SLIT1: variants seen among roughly 807,000 people sequenced by gnomAD.
SLIT1 encodes the protein slit homolog 1 protein.
In SLIT1, 66 loss-of-function variants were observed where a neutral mutation model predicts 186.1. That is an observed-to-expected ratio of 0.35 (90% confidence interval 0.29 to 0.44). The LOEUF (loss-of-function observed/expected upper bound fraction) is 0.44. SLIT1 is among the 20% of genes least tolerant of loss of function. The pLI is 1.00. For synonymous variants in SLIT1, 761 were observed against 833.8 expected (o/e 0.91, Z 1.50); for missense variants, 1,638 against 2,037.4 (o/e 0.80, Z 3.77).
chr10:97,046,856 T>A, intron 17 of SLIT1, 59 bp from the exon 18 acceptor site: 1 of 1,593,896 alleles, frequency 6.3e-7, no homozygotes, highest in Non-Finnish European at 8.5e-7. Context: ...CTCAGGCCCC[T>A]CCCTTCCTGC....
Position 97,019,007 on chromosome 10 carries a change from C to T in SLIT1, c.2847G>A (p.Arg949=), listed in dbSNP as rs758673701. Residue 949 remains arginine (R), a synonymous_variant, in exon 27 of 37, where the codon AGG becomes AGA. Coordinates refer to ENST00000266058, the MANE Select transcript of SLIT1 (RefSeq NM_003061.3). The stretch of plus-strand genomic sequence containing the variant: ...CCTTATAGCCGCTGGGGCAGGCGCA[C>T]CTGTACACCTCAAGGGGGTCGTTGT... ...TCHNDPLEVY[R]CACPSGYKGR... is the part of the protein sequence containing the mutation. The T allele has an allele frequency of 1.9e-6, 3 of 1,613,322 alleles. No homozygotes were observed. In the South Asian group the frequency reaches 3.3e-5, roughly 18 times the overall value.
In SLIT1 at chr10:97,013,752, C is replaced by T. The variant is rs1390244299; in HGVS notation, c.3192G>A (p.Pro1064=). The stretch of plus-strand genomic sequence containing the variant: ...GGGGCAACACTCACCTGGGCCCATC[C>T]GGGGTGCCCACACACTGGGCCTCGT... ...CQHEAQCVGT[P]DGPRCECMPG... Residue 1064 remains proline (P), a synonymous_variant, in exon 30 of 37, where the codon CCG becomes CCA. Transcript: ENST00000266058. 2.1e-5 allele frequency: 33 copies of T among 1,551,146 alleles called. No homozygotes were observed. Among genetic ancestry groups the T allele is most frequent in the Non-Finnish European group, 2.5e-5 (29 of 1,146,684 alleles).
At chr10:97,145,426 C>A (rs1051027851) in intron 4 of SLIT1, among the ~76,000 whole-genome samples, 13 of 152,128 alleles carry the variant, frequency 8.5e-5, no homozygotes, top group African/African-American at 3.1e-4. Flanking sequence ...TATTTTCATG[C>A]TGTCCATTTT....
In SLIT1 at chr10:97,059,448, A is replaced by G; in HGVS notation, c.1085+12T>C. On this transcript the variant is annotated intron_variant, in intron 11 of 36. Transcript: ENST00000266058. ...CCTGGGCCACTGAGGAAGCCTTGGC[A>G]CTGCTACTCACAGCGAGTTCAGGGA... The G allele has an allele frequency of 6.2e-7, 1 of 1,611,900 alleles. No individual in the cohort carries two copies. The highest frequency in any genetic ancestry group is 8.5e-7 in the Non-Finnish European group (1 of 1,178,670).
At chr10:97,104,364 T>C (rs1359676668) in intron 4 of SLIT1, among the ~76,000 whole-genome samples, 5 of 152,096 alleles carry the variant, frequency 3.3e-5, no homozygotes, top group African/African-American at 1.2e-4. Flanking sequence ...TGGATATCAC[T>C]GTGATGAAGC....
chr10:97,001,137 T>G lies in SLIT1; in HGVS notation c.4580A>C (p.Lys1527Thr). 24 of 1,613,078 alleles carry G rather than the reference T, an allele frequency of 1.5e-5. No homozygotes were observed. The highest frequency in any genetic ancestry group is 2.0e-5 in the Non-Finnish European group (24 of 1,179,804). The change falls in exon 37 of 37, where the codon AAG becomes ACG. Residue 1527 changes from lysine to threonine, a missense_variant. Transcript: ENST00000266058. ...CTATGCGCAGAGGGCACAGCCACAC[T>G]TGGTGGGCTTTTCCACCTCCTCGGC... ...SFAEEVEKPTKCGCALCA is the reference protein window; with the variant it reads ...SFAEEVEKPTTCGCALCA
chr10:97,140,604 G>A (rs937984097), intron 4 of SLIT1, among the ~76,000 whole-genome samples: 11 of 152,110 alleles, frequency 7.2e-5, no homozygotes, highest in South Asian at 6.2e-4. Context: ...GCGATCGGCC[G>A]ACAGAAGGGC....
At position 97,185,253 on chromosome 10, in the gene SLIT1, G is replaced by C. The variant is rs569764824; in HGVS notation, c.197+225C>G. Among the ~76,000 whole-genome samples the C allele has an allele frequency of 8.5e-5, 13 of 152,346 alleles. No homozygotes were observed. In the South Asian group the frequency reaches 1.7e-3, roughly 19 times the overall value. ...GGGTGCAGGGTGCAGGTGTGAGGAC[G>C]GAAGCTGACAACCCCGCCGAGGGCC... is the stretch of plus-strand genomic sequence containing the variant. On this transcript the variant is annotated intron_variant, in intron 1 of 36. Coordinates refer to ENST00000266058, the MANE Select transcript of SLIT1 (RefSeq NM_003061.3).
At chr10:97,096,679 C>T (rs940304665) in intron 4 of SLIT1, among the ~76,000 whole-genome samples, 3 of 152,036 alleles carry the variant, frequency 2.0e-5, no homozygotes, top group Admixed American at 6.5e-5. Context: ...CGCCCCAGCT[C>T]GACCCCGAGA....
intron 4 of SLIT1, among the ~76,000 whole-genome samples, chr10:97,073,481 G>A (rs1386236925): frequency 1.3e-5 from 2 of 152,218 alleles, no homozygotes; most frequent in African/African-American, 4.8e-5. Flanking sequence ...CCAGCCCGGG[G>A]AAGCGGAGCC....
rs746066173 is a variant in SLIT1, at chr10:97,060,797, CAG to C, written c.794-12_794-11del. ...CCCGCTTCTCCCTGGCCTGCAGAAA[CAG>C]GGGGGTGTGGCCTCAGGCTGTCATG... On this transcript the variant is annotated splice_polypyrimidine_tract_variant and intron_variant, in intron 8 of 36. Transcript: ENST00000266058. The C allele has an allele frequency of 1.9e-5, 30 of 1,582,486 alleles. No individual in the cohort carries two copies. The highest frequency in any genetic ancestry group is 9.4e-5 in the African/African-American group (7 of 74,664).
At chr10:97,163,892 C>T (rs906736666) in intron 2 of SLIT1, among the ~76,000 whole-genome samples, 1 of 152,210 alleles carries the variant, frequency 6.6e-6, no homozygotes, top group Non-Finnish European at 1.5e-5. Flanking sequence ...AGGGACAGAA[C>T]GGGGGGACCG....
chr10:97,124,074 C>T lies in SLIT1; in HGVS notation c.413+33744G>A, dbSNP rs373834877. On this transcript the variant is annotated intron_variant, in intron 4 of 36. Coordinates refer to ENST00000266058, the MANE Select transcript of SLIT1 (RefSeq NM_003061.3). ...AAACCCACTTAACAGCATTATGCAG[C>T]GGAAGCCTCGGGGGTGAGACCACAC... is the stretch of plus-strand genomic sequence containing the variant. Among the ~76,000 whole-genome samples, 9 of 152,270 alleles carry T rather than the reference C, an allele frequency of 5.9e-5. No individual in the cohort carries two copies. The East Asian group carries it at 9.6e-4, about 16-fold the overall frequency.
rs761078698 is a variant in SLIT1 at position 97,185,599 on chromosome 10, C to T, written c.76G>A (p.Ala26Thr). The change falls in exon 1 of 37, where the codon GCG (alanine) becomes ACG (threonine). Residue 26 changes from alanine to threonine, a missense_variant. This residue lies in a region of SLIT1 where 1,245 missense variants were observed against 1,535.3 expected (regional missense o/e 0.81). Transcript: ENST00000266058. ...PELWLLLWAA[A>T]WRLGASACPA... Reference sequence around the variant, plus strand: ...CACGCCGAGGCACCCAGGCGCCACGCGGCTGCCCACAGCAGCAGCCAGAGC... The same window carrying T: ...CACGCCGAGGCACCCAGGCGCCACGTGGCTGCCCACAGCAGCAGCCAGAGC... 2 of 1,588,588 alleles carry T rather than the reference C, an allele frequency of 1.3e-6. No individual in the cohort carries two copies. Among genetic ancestry groups the T allele is most frequent in the Non-Finnish European group, 1.7e-6 (2 of 1,169,028 alleles).
intron 4 of SLIT1, among the ~76,000 whole-genome samples, chr10:97,085,957 G>A (rs1215872684): frequency 1.3e-5 from 2 of 152,186 alleles, no homozygotes; most frequent in Admixed American, 6.5e-5. Flanking sequence ...CACTGACAAC[G>A]CCAGTGGCAA....
intron 30 of SLIT1, among the ~76,000 whole-genome samples, chr10:97,012,126 A>G (rs868029889): frequency 8.4e-4 from 114 of 136,268 alleles, no homozygotes; most frequent in African/African-American, 2.4e-3. Context: ...ACACACACAC[A>G]CACGCACACA....
intron 4 of SLIT1, among the ~76,000 whole-genome samples, chr10:97,134,441 C>T (rs554660257): frequency 2.0e-5 from 3 of 152,256 alleles, no homozygotes; most frequent in South Asian, 2.1e-4. Context: ...TGGGAAAGGG[C>T]GGCCTGTTCT....
intron 4 of SLIT1, among the ~76,000 whole-genome samples, chr10:97,071,107 G>A (rs961781421): frequency 6.6e-6 from 1 of 152,154 alleles, no homozygotes; most frequent in Non-Finnish European, 1.5e-5. Flanking sequence ...AACAGACTAA[G>A]ACACACATCA....
intron 4 of SLIT1, among the ~76,000 whole-genome samples, chr10:97,087,016 GT>G (rs1849167258): frequency 6.6e-6 from 1 of 151,936 alleles, no homozygotes; most frequent in South Asian, 2.1e-4. Flanking sequence ...TGGGGATGGG[GT>G]AAATTGGGAA....
Sources: gnomAD v4.1 joint callset for allele counts (sites outside exome capture counted in the v4.1 genomes callset) on GRCh38, gnomAD v4.1.1 for gene constraint, gnomAD v4.1.1 regional missense constraint, MANE v1.5 for transcripts, NCBI Gene and HGNC (gene_info 2026-07-23, HGNC 2026-07-21) for gene names.